RNPEPL1: variants seen among roughly 807,000 people sequenced by gnomAD.
RNPEPL1 encodes arginyl aminopeptidase like 1.
In RNPEPL1, 46 loss-of-function variants were observed where a neutral mutation model predicts 69.0. That is an observed-to-expected ratio of 0.67 (90% CI 0.53 to 0.85). RNPEPL1 has a LOEUF of 0.85. RNPEPL1 is among the 40% of genes least tolerant of loss of function. The pLI, the probability that RNPEPL1 is intolerant of heterozygous loss-of-function variation, is 0.00. For missense variants in RNPEPL1, 869 were observed against 992.5 expected, an observed-to-expected ratio of 0.88 and a Z score of 1.67; for synonymous variants, 525 against 454.1, an observed-to-expected ratio of 1.16 and a Z score of -1.98.
At chr2:240,575,843 C>T in intron 8 of RNPEPL1, 1 of 550,096 alleles carries the variant, frequency 1.8e-6, no homozygotes, top group Non-Finnish European at 3.3e-6. Flanking sequence ...CCGAGTCAGG[C>T]ACTCCCAGGA....
chr2:240,578,908 C>A lies in RNPEPL1; in HGVS notation c.*1016C>A. 6.6e-6 allele frequency: 1 copy of A among 152,412 alleles called. No individual in the cohort carries two copies. The highest frequency in any genetic ancestry group is 3.4e-3 in the Middle Eastern group (1 of 294). The allele number at this position is 152,412 out of a possible 1,614,324, so 9.4% of individuals were successfully genotyped here. On this transcript the variant is annotated 3_prime_UTR_variant, in exon 11 of 11. Coordinates refer to ENST00000270357, the MANE Select transcript of RNPEPL1 (RefSeq NM_018226.6). ...ATCCTGCCCAGCCCCTTGGCTGGACCCCCTGGGCCTGAGTAGCCTCTGGAT... is the reference window on the plus strand; with the variant it reads ...ATCCTGCCCAGCCCCTTGGCTGGACACCCTGGGCCTGAGTAGCCTCTGGAT...
In RNPEPL1 at chr2:240,577,690, G is replaced by A. The variant is rs202177211; in HGVS notation, c.1976G>A (p.Gly659Asp). ...FALEVFYQTQ[G>D]RLHPNLRRAI... ...CTGGAGGTCTTCTACCAGACGCAGG[G>A]CCGGCTGCACCCCAACCTGCGCAGA... is the stretch of plus-strand genomic sequence containing the variant. The change falls in exon 11 of 11, where the codon GGC (glycine) becomes GAC (aspartate). Residue 659 changes from glycine (G) to aspartate (D), a missense_variant. By Grantham distance (94) the Gly-to-Asp change is moderately conservative (BLOSUM62 -1). Around this residue, in one of 2 missense-constraint regions of RNPEPL1, gnomAD observed 610 missense variants for 790.9 expected, o/e 0.77. Coordinates refer to ENST00000270357, the MANE Select transcript of RNPEPL1 (RefSeq NM_018226.6). 1.9e-4 allele frequency: 303 copies of A among 1,612,616 alleles called. 1 individual carries two copies. Among genetic ancestry groups the A allele is most frequent in the Non-Finnish European group, 1.4e-4 (167 of 1,179,716 alleles).
chr2:240,574,110 C>G lies in RNPEPL1; in HGVS notation c.939-3C>G. 1 of 1,611,722 alleles carries G rather than the reference C, an allele frequency of 6.2e-7. No individual in the cohort carries two copies. The highest frequency in any genetic ancestry group is 8.5e-7 in the Non-Finnish European group (1 of 1,178,910). On this transcript the variant is annotated splice_polypyrimidine_tract_variant and splice_region_variant and intron_variant, in intron 4 of 10. Transcript: ENST00000270357. ...TGCCACCCTCACCGCCCTCCCGGTG[C>G]AGGTACGACATTGTCTTCCTGCCAC...
chr2:240,570,108 G>A (rs1159762087), intron 1 of RNPEPL1, among the ~76,000 whole-genome samples: 5 of 152,238 alleles, frequency 3.3e-5, no homozygotes, highest in Non-Finnish European at 7.3e-5. Flanking sequence ...GGCTCTGACC[G>A]GTGGCAAGTA....
At position 240,572,572 on chromosome 2, in the gene RNPEPL1, C is replaced by T. The variant is rs760262941; in HGVS notation, c.669+9C>T. The T allele has an allele frequency of 2.1e-5, 32 of 1,535,896 alleles. 4 individuals carry two copies. The South Asian group carries it at 3.6e-4, about 17-fold the overall frequency. On this transcript the variant is annotated intron_variant, in intron 2 of 10. Transcript: ENST00000270357. ...ACTCTGCCGTCGTCAAGGTCAGGGGCCGCCAGCTGCCGTCACCTTGCTCCC... is the reference window on the plus strand; with the variant it reads ...ACTCTGCCGTCGTCAAGGTCAGGGGTCGCCAGCTGCCGTCACCTTGCTCCC...
rs765893476 is a variant in RNPEPL1, at chr2:240,580,954, A to C, written c.*3062A>C. On this transcript the variant is annotated 3_prime_UTR_variant, in exon 11 of 11. Transcript: ENST00000270357. ...TAAGGTTTTCTAAGTCCCTCAGGCC[A>C]TGACAGGTTCAGTCCAGACTTGTCT... 6.6e-6 allele frequency: 1 copy of C among 152,272 alleles called. No individual in the cohort carries two copies. The highest frequency in any genetic ancestry group is 1.5e-5 in the Non-Finnish European group (1 of 68,056). The allele number at this position is 152,272 out of a possible 1,614,324, so 9.4% of individuals were successfully genotyped here. A position where few individuals can be genotyped will look rare whatever the true frequency, so the allele number is the denominator to read the frequency against.
At chr2:240,574,898 T>C in intron 6 of RNPEPL1, 132 bp from the exon 7 acceptor site, 1 of 770,916 alleles carries the variant, frequency 1.3e-6, no homozygotes, top group Non-Finnish European at 2.3e-6. Flanking sequence ...AGGGCATCAG[T>C]ACACATCTGG....
Position 240,573,280 on chromosome 2 carries a change from G to GC in RNPEPL1, c.821+21dup, listed in dbSNP as rs1228904712. Reference sequence around the variant, plus strand: ...GGCCCAGGTAGGGCCTCCTGCTGGGGCCTTCTGGGGCTGCGCAGGCCTCGG... The same window carrying GC: ...GGCCCAGGTAGGGCCTCCTGCTGGGGCCCTTCTGGGGCTGCGCAGGCCTCGG... On this transcript the variant is annotated intron_variant, in intron 3 of 10. Coordinates refer to ENST00000270357, the MANE Select transcript of RNPEPL1 (RefSeq NM_018226.6). 43 of 1,549,508 alleles carry GC rather than the reference G, an allele frequency of 2.8e-5. No homozygotes were observed. The highest frequency in any genetic ancestry group is 3.7e-5 in the Non-Finnish European group (43 of 1,146,998).
rs1156393266 is a variant in RNPEPL1 at position 240,568,569 on chromosome 2, C to T, written c.-18C>T. On this transcript the variant is annotated 5_prime_UTR_variant, in exon 1 of 11. Transcript: ENST00000270357. The surrounding 1 kb of genome is among the most constrained non-coding windows in gnomAD (Gnocchi z 6.2). ...CGGCGCGGCCGCCGCCCATGGATTT[C>T]ACCTAGTGCCGGCGGCCATGGCCGC... The T allele has an allele frequency of 8.2e-6, 8 of 976,702 alleles. No homozygotes were observed. The highest frequency in any genetic ancestry group is 9.7e-6 in the Non-Finnish European group (8 of 825,078). 60.5% of individuals were successfully genotyped at this position (976,702 alleles called of 1,614,324 possible).
At chr2:240,577,109 CG>C in intron 10 of RNPEPL1, 119 bp downstream of exon 10, 1 of 1,312,504 alleles carries the variant, frequency 7.6e-7, no homozygotes, top group Non-Finnish European at 1.1e-6. Context: ...GAGAATGGGG[CG>C]GGGAAGACGT....
At chr2:240,572,854 C>T (rs2001821) in intron 2 of RNPEPL1, among the ~76,000 whole-genome samples, 38,193 of 152,246 alleles carry the variant, frequency 0.25, 6,067 homozygotes, top group East Asian at 0.65. Context: ...GCTGCTGATC[C>T]CCAGTGGGGT....
chr2:240,574,009 G>A (rs539531213), intron 4 of RNPEPL1, 104 bp from the exon 5 acceptor site: 115 of 1,384,702 alleles, frequency 8.3e-5, no homozygotes, highest in African/African-American at 1.8e-4. Flanking sequence ...GGAGCTCACC[G>A]CAGGGGCTGG....
chr2:240,580,525 G>A lies in RNPEPL1; in HGVS notation c.*2633G>A, dbSNP rs1037442152. The A allele has an allele frequency of 1.3e-5, 2 of 152,360 alleles. No individual in the cohort carries two copies. Among genetic ancestry groups the A allele is most frequent in the Admixed American group, 1.3e-4 (2 of 15,282 alleles). The allele number at this position is 152,360 out of a possible 1,614,324, so 9.4% of individuals were successfully genotyped here. A position where few individuals can be genotyped will look rare whatever the true frequency, so the allele number is the denominator to read the frequency against. On this transcript the variant is annotated 3_prime_UTR_variant, in exon 11 of 11. Coordinates refer to ENST00000270357, the MANE Select transcript of RNPEPL1 (RefSeq NM_018226.6). The stretch of plus-strand genomic sequence containing the variant: ...GGCCCACCTCAGGCTGGCAGGGGAA[G>A]GGGGGATTCTCTTCAATGTGACCAC...
At position 240,577,990 on chromosome 2, in the gene RNPEPL1, T is replaced by C; in HGVS notation, c.*98T>C. ...CTGCGTCTCGGCTCTGGCCATGAGC[T>C]CTGCCCAGGCCCACAAGCCCCTCCC... On this transcript the variant is annotated 3_prime_UTR_variant, in exon 11 of 11. Coordinates refer to ENST00000270357, the MANE Select transcript of RNPEPL1 (RefSeq NM_018226.6). 1.6e-6 allele frequency: 2 copies of C among 1,259,788 alleles called. No individual in the cohort carries two copies. The highest frequency in any genetic ancestry group is 2.1e-6 in the Non-Finnish European group (2 of 948,392). The allele number at this position is 1,259,788 out of a possible 1,614,324, so 78.0% of individuals were successfully genotyped here.
intron 6 of RNPEPL1, 181 bp downstream of exon 6, chr2:240,574,809 C>T (rs1228267614): frequency 1.5e-6 from 1 of 668,238 alleles, no homozygotes; most frequent in African/African-American, 1.8e-5. Flanking sequence ...ACAGCCACCG[C>T]CGCTTCCCTG....
At position 240,580,614 on chromosome 2, in the gene RNPEPL1, G is replaced by C. The variant is rs1027134185; in HGVS notation, c.*2722G>C. On this transcript the variant is annotated 3_prime_UTR_variant, in exon 11 of 11. Coordinates refer to ENST00000270357, the MANE Select transcript of RNPEPL1 (RefSeq NM_018226.6). The stretch of plus-strand genomic sequence containing the variant: ...TCCAGGCACCTTGCCAGGGATAAGA[G>C]AGCTGTTGAGGGGCTCACACTGGCA... 7.2e-5 allele frequency: 11 copies of C among 152,196 alleles called. No homozygotes were observed. The highest frequency in any genetic ancestry group is 2.7e-4 in the African/African-American group (11 of 41,438). 9.4% of individuals were successfully genotyped at this position (152,196 alleles called of 1,614,324 possible).
chr2:240,577,974 G>A lies in RNPEPL1; in HGVS notation c.*82G>A, dbSNP rs896977487. On this transcript the variant is annotated 3_prime_UTR_variant, in exon 11 of 11. Coordinates refer to ENST00000270357, the MANE Select transcript of RNPEPL1 (RefSeq NM_018226.6). ...GCCAGGCCTGCCATGACTGCGTCTC[G>A]GCTCTGGCCATGAGCTCTGCCCAGG... The A allele has an allele frequency of 5.2e-5, 70 of 1,350,830 alleles. No homozygotes were observed. In the African/African-American group the frequency reaches 5.4e-4, roughly 10 times the overall value. The allele number at this position is 1,350,830 out of a possible 1,614,324, so 83.7% of individuals were successfully genotyped here. A position where few individuals can be genotyped will look rare whatever the true frequency, so the allele number is the denominator to read the frequency against.
chr2:240,569,247 C>G (rs2093014362), intron 1 of RNPEPL1, 133 bp downstream of exon 1: 4 of 1,030,968 alleles, frequency 3.9e-6, no homozygotes, highest in Non-Finnish European at 5.2e-6. Flanking sequence ...CCCGGTGATT[C>G]CCAGCTGTTG....
At chr2:240,569,282 A>C in intron 1 of RNPEPL1, 168 bp downstream of exon 1, 1 of 715,406 alleles carries the variant, frequency 1.4e-6, no homozygotes, top group Non-Finnish European at 2.0e-6. Context: ...GGACCCTCGG[A>C]TAGAAGCCGG....
Sources: gnomAD v4.1 joint callset for allele counts (sites outside exome capture counted in the v4.1 genomes callset) on GRCh38, gnomAD v4.1.1 for gene constraint, gnomAD v4.1.1 regional missense constraint, Gnocchi (gnomAD v3.1) non-coding constraint, MANE v1.5 for transcripts, NCBI Gene and HGNC (gene_info 2026-07-23, HGNC 2026-07-21) for gene names.